CFAP53: variants seen among roughly 807,000 people sequenced by gnomAD.
CFAP53 encodes cilia- and flagella-associated protein 53.
Under a neutral mutation model 59.7 loss-of-function variants are expected in CFAP53, and 62 were observed. That is an observed-to-expected ratio of 1.04 (90% CI 0.85 to 1.28). The LOEUF is 1.28. Ranked by LOEUF, CFAP53 falls within the 50% of genes most tolerant of loss-of-function variation. The pLI, the probability that CFAP53 is intolerant of heterozygous loss-of-function variation, is 0.00. For synonymous variants in CFAP53, 218 were observed against 205.7 expected (o/e 1.06, Z -0.51); for missense variants, 629 against 615.6 (o/e 1.02, Z -0.23).
At position 50,261,239 on chromosome 18, in the gene CFAP53, TG is replaced by T. The variant is rs755326907; in HGVS notation, c.300-3del. On this transcript the variant is annotated splice_region_variant and splice_polypyrimidine_tract_variant and intron_variant, in intron 2 of 7. Coordinates refer to ENST00000398545, the MANE Select transcript of CFAP53 (RefSeq NM_145020.5). ...TCTAATGCTAAAAGCTCACGTAGCC[TG>T]AAACAAAAAGCCAAAAAAAAAAAAA... 1.7e-5 allele frequency: 22 copies of T among 1,323,008 alleles called. No homozygotes were observed. In the East Asian group the frequency reaches 5.2e-4, roughly 31 times the overall value. The allele number at this position is 1,323,008 out of a possible 1,614,324, so 82.0% of individuals were successfully genotyped here.
At chr18:50,245,101 G>A (rs1317517182) in intron 5 of CFAP53, among the ~76,000 whole-genome samples, 2 of 150,090 alleles carry the variant, frequency 1.3e-5, no homozygotes, top group African/African-American at 2.4e-5. Flanking sequence ...AAACTAATAA[G>A]GCTGGGCGCG....
intron 3 of CFAP53, among the ~76,000 whole-genome samples, chr18:50,259,226 T>C (rs897271952): frequency 1.3e-5 from 2 of 152,088 alleles, no homozygotes; most frequent in Non-Finnish European, 2.9e-5. Context: ...GATGAATGGA[T>C]AAAGAAAATG....
Position 50,227,447 on chromosome 18 carries a change from G to C in CFAP53, c.1479C>G (p.Thr493=). The C allele has an allele frequency of 6.2e-7, 1 of 1,614,138 alleles. No individual in the cohort carries two copies. The highest frequency in any genetic ancestry group is 2.2e-5 in the East Asian group (1 of 44,886). ...CLDKVQEVLS[T]HQVLPQNIHP... is the part of the protein sequence containing the mutation. ...GAATGTTTTGAGGCAGCACTTGATG[G>C]GTGGACAGGACCTCCTGGACCTTGT... The change falls in exon 8 of 8, where the codon ACC becomes ACG. Residue 493 remains threonine, a synonymous_variant. Coordinates refer to ENST00000398545, the MANE Select transcript of CFAP53 (RefSeq NM_145020.5).
chr18:50,252,664 C>T (rs1267168655), intron 3 of CFAP53, among the ~76,000 whole-genome samples: 4 of 152,216 alleles, frequency 2.6e-5, no homozygotes, highest in African/African-American at 9.6e-5. Flanking sequence ...CTGCCTCAGC[C>T]TTCCAAAATG....
chr18:50,242,617 C>G (rs570798897), intron 6 of CFAP53, among the ~76,000 whole-genome samples: 1 of 152,156 alleles, frequency 6.6e-6, no homozygotes, highest in Non-Finnish European at 1.5e-5. Context: ...TATGTCTGTG[C>G]CCCACCTTCT....
In CFAP53 at chr18:50,237,329, A is replaced by AAT. The variant is rs1555671379; in HGVS notation, c.1316+1272_1316+1273dup. Among the ~76,000 whole-genome samples, 13 of 6,346 alleles carry AAT rather than the reference A, an allele frequency of 2.0e-3. No individual in the cohort carries two copies. The East Asian group carries it at 0.061, about 30-fold the overall frequency. 4.2% of individuals were successfully genotyped at this position (6,346 alleles called of 152,430 possible). On this transcript the variant is annotated intron_variant, in intron 7 of 7. Transcript: ENST00000398545. ...CAAAAAAAAAAAAAAAAAAAAAAAA[A>AAT]ATATATATATATATATATATATACG...
chr18:50,253,485 G>T (rs2033820338), intron 3 of CFAP53, among the ~76,000 whole-genome samples: 2 of 152,188 alleles, frequency 1.3e-5, no homozygotes, highest in African/African-American at 2.4e-5. Context: ...GACTCAGGGA[G>T]CCTAAGTGTC....
intron 5 of CFAP53, among the ~76,000 whole-genome samples, chr18:50,250,097 T>C (rs1021548673): frequency 6.6e-6 from 1 of 152,018 alleles, no homozygotes; most frequent in African/African-American, 2.4e-5. Context: ...TGGATGTCTG[T>C]AGTCCCAGCT....
At chr18:50,231,528 G>T (rs376915052) in intron 7 of CFAP53, among the ~76,000 whole-genome samples, 1 of 152,214 alleles carries the variant, frequency 6.6e-6, no homozygotes, top group Non-Finnish European at 1.5e-5. Context: ...GGGACTGAAA[G>T]GTATCCGTGT....
chr18:50,257,032 G>T (rs193154863), intron 3 of CFAP53, among the ~76,000 whole-genome samples: 1 of 151,218 alleles, frequency 6.6e-6, no homozygotes, highest in African/African-American at 2.4e-5. Flanking sequence ...CTGAATGAAT[G>T]AATGCTAATG....
chr18:50,240,989 G>GCATACTGT (rs1333462694), intron 6 of CFAP53, among the ~76,000 whole-genome samples: 1 of 152,184 alleles, frequency 6.6e-6, no homozygotes, highest in Non-Finnish European at 1.5e-5. Flanking sequence ...GAACATAGTG[G>GCATACTGT]CATACTGTAG....
chr18:50,249,686 T>C (rs1375480550), intron 5 of CFAP53, among the ~76,000 whole-genome samples: 1 of 152,006 alleles, frequency 6.6e-6, no homozygotes, highest in African/African-American at 2.4e-5. Flanking sequence ...ATTATAGAAA[T>C]GAAGAACAGG....
intron 5 of CFAP53, among the ~76,000 whole-genome samples, chr18:50,247,420 G>A (rs1317315503): frequency 6.6e-6 from 1 of 152,196 alleles, no homozygotes; most frequent in Non-Finnish European, 1.5e-5. Context: ...CTTCAACACA[G>A]AGTTACCGTA....
intron 5 of CFAP53, among the ~76,000 whole-genome samples, chr18:50,250,411 CT>C: frequency 6.6e-6 from 1 of 152,114 alleles, no homozygotes; most frequent in Non-Finnish European, 1.5e-5. Flanking sequence ...CTCTTTTTGC[CT>C]GACAAAACTT....
Position 50,250,933 on chromosome 18 carries a change from A to G in CFAP53, c.821T>C (p.Met274Thr). Residue 274 changes from methionine to threonine, a missense_variant, in exon 5 of 8, where the codon ATG becomes ACG. Physicochemically the swap from Met to Thr is moderately conservative, Grantham distance 81. Transcript: ENST00000398545. Reference sequence around the variant, plus strand: ...CTGCTTTGCCTTCTGTTTCTTTAGCATATCCTGTTCATTCTCATGTTTAAT... The same window carrying G: ...CTGCTTTGCCTTCTGTTTCTTTAGCGTATCCTGTTCATTCTCATGTTTAAT... ...AQIKHENEQD[M>T]LKKQKAKQET... 6.2e-7 allele frequency: 1 copy of G among 1,614,164 alleles called. No homozygotes were observed.
chr18:50,249,803 A>C (rs1015963983), intron 5 of CFAP53, among the ~76,000 whole-genome samples: 7 of 152,232 alleles, frequency 4.6e-5, no homozygotes, highest in African/African-American at 1.7e-4. Flanking sequence ...TATCAATGTC[A>C]ACATCCTGAC....
intron 6 of CFAP53, among the ~76,000 whole-genome samples, chr18:50,239,221 C>T (rs2033665559): frequency 6.6e-6 from 1 of 151,808 alleles, no homozygotes; most frequent in South Asian, 2.1e-4. Flanking sequence ...AACCCCGTCT[C>T]TACTAAAAGT....
At chr18:50,237,738 C>G (rs1359089908) in intron 7 of CFAP53, among the ~76,000 whole-genome samples, 2 of 152,052 alleles carry the variant, frequency 1.3e-5, no homozygotes, top group Non-Finnish European at 2.9e-5. Flanking sequence ...TGCCTGTTTC[C>G]CCCACCTGAG....
At chr18:50,245,592 A>G (rs1390106636) in intron 5 of CFAP53, among the ~76,000 whole-genome samples, 1 of 152,318 alleles carries the variant, frequency 6.6e-6, no homozygotes, top group South Asian at 2.1e-4. Context: ...ACTAAGAAAC[A>G]TTATTGAAAG....
Sources: allele counts gnomAD v4.1 joint callset (sites outside exome capture counted in the v4.1 genomes callset), GRCh38; gene constraint gnomAD v4.1.1; transcripts MANE v1.5; gene names NCBI Gene and HGNC (gene_info 2026-07-23, HGNC 2026-07-21).